Variants in CAPN9 observed in about 807,000 individuals in gnomAD.
CAPN9 encodes calpain-9.
Under a neutral mutation model 92.8 loss-of-function variants are expected in CAPN9, and 81 were observed. That is an observed-to-expected ratio of 0.87 (90% CI 0.73 to 1.05). CAPN9 has a LOEUF of 1.05. Ranked by LOEUF, CAPN9 falls within the 50% of genes least tolerant of loss-of-function variation. CAPN9 has a pLI of 0.00. For synonymous variants in CAPN9, 304 were observed against 328.0 expected (o/e 0.93, Z 0.79); for missense variants, 848 against 866.2 (o/e 0.98, Z 0.26).
chr1:230,789,493 A>AAG, intron 13 of CAPN9, among the ~76,000 whole-genome samples: 2 of 138,284 alleles, frequency 1.4e-5, no homozygotes, highest in Non-Finnish European at 3.0e-5. Flanking sequence ...AAAAAAAAAA[A>AAG]AAAAAAAGCC....
chr1:230,801,463 A>C, intron 19 of CAPN9, 107 bp from the exon 20 acceptor site: 3 of 1,029,592 alleles, frequency 2.9e-6, no homozygotes, highest in Non-Finnish European at 4.6e-6. Context: ...AAAATGATCA[A>C]ATAGCAGATC....
chr1:230,798,602 C>A (rs925382209), intron 19 of CAPN9, among the ~76,000 whole-genome samples: 4 of 152,086 alleles, frequency 2.6e-5, no homozygotes, highest in African/African-American at 9.7e-5. Context: ...TCATGTTGTC[C>A]CGTGGTTCCC....
At chr1:230,767,444 A>C in intron 4 of CAPN9, 97 bp from the exon 5 acceptor site, 1 of 992,724 alleles carries the variant, frequency 1.0e-6, no homozygotes, top group Non-Finnish European at 1.5e-6. Flanking sequence ...GCCCTGGGAG[A>C]TGCTTCAGGC....
chr1:230,763,419 C>A (rs1665769282), intron 4 of CAPN9, among the ~76,000 whole-genome samples: 2 of 152,152 alleles, frequency 1.3e-5, no homozygotes, highest in Admixed American at 1.3e-4. Flanking sequence ...CTTCCCCCAG[C>A]CCCTGGCAAC....
chr1:230,785,766 G>A (rs775284567), intron 11 of CAPN9, among the ~76,000 whole-genome samples: 9 of 152,160 alleles, frequency 5.9e-5, no homozygotes, highest in Non-Finnish European at 1.2e-4. Context: ...TAACACAATG[G>A]CTGTCCCTCT....
intron 2 of CAPN9, among the ~76,000 whole-genome samples, chr1:230,758,678 C>T (rs1172510859): frequency 6.6e-6 from 1 of 152,186 alleles, no homozygotes; most frequent in Non-Finnish European, 1.5e-5. Flanking sequence ...AATGTGAACT[C>T]AGAAACTGCC....
At chr1:230,800,250 G>A (rs866424356) in intron 19 of CAPN9, among the ~76,000 whole-genome samples, 1 of 102,808 alleles carries the variant, frequency 9.7e-6, no homozygotes, top group African/African-American at 3.9e-5. Flanking sequence ...AAGAAAGAAA[G>A]AAAGAAAGAA....
rs1446910294 is a variant in CAPN9 at position 230,762,517 on chromosome 1, C to T, written c.403-136C>T. 1.7e-5 allele frequency: 17 copies of T among 977,324 alleles called. No homozygotes were observed. The African/African-American group carries it at 1.8e-4, about 10-fold the overall frequency. The allele number at this position is 977,324 out of a possible 1,614,324, so 60.5% of individuals were successfully genotyped here. A position where few individuals can be genotyped will look rare whatever the true frequency, so the allele number is the denominator to read the frequency against. ...AGCCCAGGTGCCCTACCTTGGAACC[C>T]GTGTGTGATTTTCAAAGCTGTCTAT... On this transcript the variant is annotated intron_variant, in intron 3 of 19. Transcript: ENST00000271971.
chr1:230,780,171 A>C lies in CAPN9; in HGVS notation c.1115-8A>C. 1 of 1,610,570 alleles carries C rather than the reference A, an allele frequency of 6.2e-7. No homozygotes were observed. The highest frequency in any genetic ancestry group is 8.5e-7 in the Non-Finnish European group (1 of 1,178,886). ...AGGGGAAAATAATCTACCTCTCCCA[A>C]ATGACAGATACCTTTTGGACCAATC... On this transcript the variant is annotated splice_polypyrimidine_tract_variant and splice_region_variant and intron_variant, in intron 9 of 19. Transcript: ENST00000271971.
intron 3 of CAPN9, 126 bp from the exon 4 acceptor site, chr1:230,762,527 T>C: frequency 8.7e-7 from 1 of 1,144,900 alleles, no homozygotes. Context: ...CGTGTGTGAT[T>C]TTCAAAGCTG....
chr1:230,753,755 T>A (rs1014579392), intron 1 of CAPN9, among the ~76,000 whole-genome samples: 1 of 151,990 alleles, frequency 6.6e-6, no homozygotes, highest in Non-Finnish European at 1.5e-5. Flanking sequence ...CCCGGCCCAG[T>A]TAACTCACCA....
chr1:230,757,683 A>G (rs1665329708), intron 2 of CAPN9, among the ~76,000 whole-genome samples: 1 of 149,332 alleles, frequency 6.7e-6, no homozygotes, highest in Non-Finnish European at 1.5e-5. Context: ...GGAGTTTTAG[A>G]CTAGCCTGGG....
chr1:230,759,542 C>T lies in CAPN9; in HGVS notation c.314C>T (p.Ser105Phe), dbSNP rs750623492. The part of the protein sequence containing the change: ...GDCWLLAAIA[S>F]LTLNQKALAR... Reference sequence around the variant, plus strand: ...TGCTGGCTATTAGCCGCCATCGCCTCCCTTACGCTTAATCAAAAAGCACTG... The same window carrying T: ...TGCTGGCTATTAGCCGCCATCGCCTTCCTTACGCTTAATCAAAAAGCACTG... The change falls in exon 3 of 20, where the codon TCC (serine) becomes TTC (phenylalanine). Residue 105 changes from serine to phenylalanine, a missense_variant. Coordinates refer to ENST00000271971, the MANE Select transcript of CAPN9 (RefSeq NM_006615.3). 2.8e-5 allele frequency: 45 copies of T among 1,611,678 alleles called. 1 individual carries two copies. Among genetic ancestry groups the T allele is most frequent in the Admixed American group, 1.7e-5 (1 of 59,638 alleles).
chr1:230,760,083 A>G (rs1344736591), intron 3 of CAPN9, among the ~76,000 whole-genome samples: 1 of 152,154 alleles, frequency 6.6e-6, no homozygotes, highest in East Asian at 1.9e-4. Context: ...CATCTGCTGG[A>G]GTCCCGTGTG....
At chr1:230,777,291 C>T (rs1471134809) in intron 8 of CAPN9, among the ~76,000 whole-genome samples, 2 of 151,920 alleles carry the variant, frequency 1.3e-5, no homozygotes, top group Non-Finnish European at 1.5e-5. Flanking sequence ...ATCCATTGCC[C>T]TGCCCCTCTT....
At chr1:230,775,465 C>G (rs1666694958) in intron 8 of CAPN9, among the ~76,000 whole-genome samples, 1 of 152,222 alleles carries the variant, frequency 6.6e-6, no homozygotes, top group Non-Finnish European at 1.5e-5. Flanking sequence ...GCCTTCATCT[C>G]TAGAATCTTT....
At chr1:230,798,316 G>C in intron 19 of CAPN9, 96 bp downstream of exon 19, 1 of 783,780 alleles carries the variant, frequency 1.3e-6, no homozygotes, top group East Asian at 2.5e-5. Flanking sequence ...TTTCATGCAA[G>C]GGCTGACATC....
intron 4 of CAPN9, 65 bp downstream of exon 4, chr1:230,762,851 T>C (rs1039035935): frequency 6.6e-7 from 1 of 1,516,690 alleles, no homozygotes; most frequent in Non-Finnish European, 8.9e-7. Flanking sequence ...GTCTTTGTAG[T>C]GAGCATCTAA....
chr1:230,793,628 T>C (rs985120992), intron 17 of CAPN9, among the ~76,000 whole-genome samples: 7 of 152,142 alleles, frequency 4.6e-5, no homozygotes, highest in African/African-American at 1.7e-4. Flanking sequence ...ACCTCACAGA[T>C]AGGGGCCTCC....
Sources: gnomAD v4.1 joint callset for allele counts (sites outside exome capture counted in the v4.1 genomes callset) on GRCh38, gnomAD v4.1.1 for gene constraint, MANE v1.5 for transcripts, NCBI Gene and HGNC (gene_info 2026-07-23, HGNC 2026-07-21) for gene names.